WDR27: variants seen among roughly 807,000 people sequenced by gnomAD.
WDR27 encodes the protein WD repeat domain 27, also known as WD repeat-containing protein 27.
WDR27 carries 100 observed loss-of-function variants against 114.4 expected under a neutral mutation model. The observed-to-expected ratio is 0.87, with a 90% confidence interval of 0.74 to 1.03. The LOEUF (loss-of-function observed/expected upper bound fraction) is 1.03, where lower values mean the gene tolerates loss of function less well. Among genes scored for constraint, WDR27 ranks in the 50% least tolerant of loss-of-function variants. WDR27 has a pLI of 0.00. For synonymous variants in WDR27, 449 were observed against 423.1 expected, an observed-to-expected ratio of 1.06 and a Z score of -0.75; for missense variants, 1,129 against 1,092.9, an observed-to-expected ratio of 1.03 and a Z score of -0.47.
chr6:169,651,183 C>CG (rs763059214), intron 14 of WDR27, among the ~76,000 whole-genome samples: 651 of 7,678 alleles, frequency 0.085, 33 homozygotes, highest in Non-Finnish European at 0.11. Flanking sequence ...CAGTGCGGGG[C>CG]GGGGGGGGGG....
At chr6:169,568,653 A>C (rs553233757) in intron 25 of WDR27, among the ~76,000 whole-genome samples, 2 of 152,330 alleles carry the variant, frequency 1.3e-5, no homozygotes, top group South Asian at 4.1e-4. Flanking sequence ...ATTGGTTGAC[A>C]AACAGGGAAG....
chr6:169,479,530 C>T (rs2997875), intron 25 of WDR27, among the ~76,000 whole-genome samples: 67,338 of 151,926 alleles, frequency 0.44, 17,677 homozygotes, highest in Non-Finnish European at 0.6. Flanking sequence ...ATGATTTAGG[C>T]ATCTAGATTT....
intron 21 of WDR27, among the ~76,000 whole-genome samples, chr6:169,619,762 G>A (rs1339016999): frequency 6.6e-6 from 1 of 152,210 alleles, no homozygotes; most frequent in African/African-American, 2.4e-5. Flanking sequence ...TGCCCTTGGA[G>A]ACAACAGGTG....
chr6:169,647,701 A>T (rs1821145286), intron 16 of WDR27, 72 bp downstream of exon 16: 2 of 1,241,776 alleles, frequency 1.6e-6, no homozygotes, highest in East Asian at 5.1e-5. Context: ...ACAATAGAAA[A>T]ATGTTTACAG....
intron 8 of WDR27, 84 bp downstream of exon 8, chr6:169,664,080 CCT>C (rs1301861734): frequency 8.8e-5 from 110 of 1,255,714 alleles, no homozygotes; most frequent in Middle Eastern, 7.8e-4. Context: ...CTCTCTCTCC[CCT>C]GTGTGACCTA....
At chr6:169,525,597 T>C (rs1013223848) in intron 25 of WDR27, among the ~76,000 whole-genome samples, 7 of 149,128 alleles carry the variant, frequency 4.7e-5, no homozygotes, top group East Asian at 1.9e-4. Flanking sequence ...GAATGACATA[T>C]GCGGGCAAGG....
chr6:169,681,157 C>T (rs1282683652), intron 2 of WDR27, among the ~76,000 whole-genome samples: 1 of 152,174 alleles, frequency 6.6e-6, no homozygotes, highest in African/African-American at 2.4e-5. Flanking sequence ...TAGGAGAATG[C>T]ATAAAGTATA....
At chr6:169,497,934 T>C (rs554826412) in intron 25 of WDR27, among the ~76,000 whole-genome samples, 62 of 152,088 alleles carry the variant, frequency 4.1e-4, no homozygotes, top group Admixed American at 8.5e-4. Flanking sequence ...GAAAGCAGGG[T>C]CTTGAAGAGA....
intron 25 of WDR27, among the ~76,000 whole-genome samples, chr6:169,500,136 C>T (rs929073581): frequency 1.3e-5 from 2 of 152,222 alleles, no homozygotes; most frequent in Admixed American, 6.5e-5. Flanking sequence ...AGCAATATCA[C>T]ATCCATGAGG....
chr6:169,519,330 A>G (rs1236309052), intron 25 of WDR27, among the ~76,000 whole-genome samples: 2 of 152,258 alleles, frequency 1.3e-5, no homozygotes, highest in Non-Finnish European at 2.9e-5. Flanking sequence ...ATTGCTAAAA[A>G]GAAATACATG....
intron 23 of WDR27, among the ~76,000 whole-genome samples, chr6:169,599,358 A>C (rs936751966): frequency 6.6e-6 from 1 of 152,202 alleles, no homozygotes; most frequent in African/African-American, 2.4e-5. Flanking sequence ...ATTTAGCTGA[A>C]TTGTTCACAT....
At chr6:169,437,191 T>TATG in the WDR27 span, among the ~76,000 whole-genome samples, 1 of 152,158 alleles carries the variant, frequency 6.6e-6, no homozygotes, top group African/African-American at 2.4e-5. Flanking sequence ...ATGGAGAGTT[T>TATG]ATGAAGGATG....
chr6:169,582,764 C>A, intron 24 of WDR27, 72 bp downstream of exon 24: 2 of 1,244,204 alleles, frequency 1.6e-6, no homozygotes, highest in South Asian at 2.7e-5. Context: ...AAAATAAAGT[C>A]ATAAAGATAC....
intron 22 of WDR27, among the ~76,000 whole-genome samples, chr6:169,607,008 A>G (rs1809341854): frequency 2.0e-5 from 3 of 152,256 alleles, no homozygotes; most frequent in African/African-American, 7.2e-5. Context: ...ACTAATCATC[A>G]GAGAAATGCA....
chr6:169,687,247 C>T (rs927733268), intron 2 of WDR27, among the ~76,000 whole-genome samples: 4 of 151,904 alleles, frequency 2.6e-5, no homozygotes, highest in African/African-American at 9.7e-5. Flanking sequence ...ATTACATATA[C>T]CCCCAAAATA....
Position 169,659,547 on chromosome 6 carries a change from A to G in WDR27, c.1130-29T>C. On this transcript the variant is annotated intron_variant, in intron 10 of 25. Coordinates refer to ENST00000448612, the MANE Select transcript of WDR27 (RefSeq NM_182552.5). This position sits in a 1 kb window ranked among gnomAD's most constrained non-coding sequence, Gnocchi z 4.3. The stretch of plus-strand genomic sequence containing the variant: ...CAGTTGAGCGAAGACCAGGAAGAAC[A>G]TGATGGGGAGGGAGGTAGCACATAC... The G allele has an allele frequency of 3.1e-6, 5 of 1,594,154 alleles. No individual in the cohort carries two copies. Among genetic ancestry groups the G allele is most frequent in the South Asian group, 1.1e-5 (1 of 87,890 alleles).
chr6:169,618,295 A>G (rs925131067), intron 21 of WDR27, among the ~76,000 whole-genome samples: 2 of 152,218 alleles, frequency 1.3e-5, no homozygotes, highest in Non-Finnish European at 2.9e-5. Flanking sequence ...TTATGTATTT[A>G]TATCACAAAA....
At chr6:169,577,318 C>T (rs868505329) in intron 24 of WDR27, among the ~76,000 whole-genome samples, 1 of 152,094 alleles carries the variant, frequency 6.6e-6, no homozygotes, top group Non-Finnish European at 1.5e-5. Context: ...AGGGGGCGTC[C>T]GCGCCGAGCC....
chr6:169,473,979 A>C (rs1396060131), intron 25 of WDR27, among the ~76,000 whole-genome samples: 1 of 152,226 alleles, frequency 6.6e-6, no homozygotes, highest in Non-Finnish European at 1.5e-5. Flanking sequence ...AGCTGCCCCC[A>C]TGGTTAACTG....
Sources: allele counts gnomAD v4.1 joint callset (sites outside exome capture counted in the v4.1 genomes callset), GRCh38; gene constraint gnomAD v4.1.1; non-coding constraint Gnocchi (gnomAD v3.1); transcripts MANE v1.5; gene names NCBI Gene and HGNC (gene_info 2026-07-23, HGNC 2026-07-21).